RNF213: variants seen among roughly 807,000 people sequenced by gnomAD.
The protein encoded by RNF213 is ring finger protein 213.
In RNF213, 341 loss-of-function variants were observed where a neutral mutation model predicts 514.4. That is an observed-to-expected ratio of 0.66 (90% CI 0.61 to 0.73). The LOEUF is 0.73. Among genes scored for constraint, RNF213 ranks in the 30% least tolerant of loss-of-function variants. RNF213 has a pLI of 0.00. For missense variants in RNF213, 5,767 were observed against 6,615.6 expected (o/e 0.87, Z 4.45); for synonymous variants, 2,655 against 2,658.2 (o/e 1.00, Z 0.04).
chr17:80,387,488 C>G (rs966975164), intron 63 of RNF213, among the ~76,000 whole-genome samples: 1 of 152,234 alleles, frequency 6.6e-6, no homozygotes, highest in Non-Finnish European at 1.5e-5. Flanking sequence ...GGGTAACCTG[C>G]CAGCAGATGC....
Position 80,276,874 on chromosome 17 carries a change from A to T in RNF213, c.261+3470A>T, listed in dbSNP as rs371366637. On this transcript the variant is annotated intron_variant, in intron 3 of 67. Coordinates refer to ENST00000582970, the MANE Select transcript of RNF213 (RefSeq NM_001256071.3). ...GTGAACATCCTGGCCAACATGGTGA[A>T]ACCCCGTCTCTACTAAAAATACAAA... Among the ~76,000 whole-genome samples the T allele has an allele frequency of 1.3e-4, 20 of 151,970 alleles. 1 individual carries two copies. In the South Asian group the frequency reaches 4.2e-3, roughly 32 times the overall value.
Position 80,289,673 on chromosome 17 carries a change from GA to G in RNF213, c.949del (p.Thr317ProfsTer36), listed in dbSNP as rs1246323781. On this transcript the variant is annotated frameshift_variant, in exon 6 of 68. Coordinates refer to ENST00000582970, the MANE Select transcript of RNF213 (RefSeq NM_001256071.3). LOFTEE classifies it high-confidence loss of function. Reference sequence around the variant, plus strand: ...CCTTGTTCCAGGAAGCTGAGACCAAGACCAAGGACGAGATGGCTGCTGCTGA... The same window carrying G: ...CCTTGTTCCAGGAAGCTGAGACCAAGCCAAGGACGAGATGGCTGCTGCTGA... ...KTHCQEAETKTKDEMAAAEEK... is the reference protein window; with the variant it reads ...KTHCQEAETKXKDEMAAAEEK... The G allele has an allele frequency of 6.2e-7, 1 of 1,613,776 alleles. No homozygotes were observed. The highest frequency in any genetic ancestry group is 2.2e-5 in the East Asian group (1 of 44,886).
chr17:80,372,825 C>T, intron 48 of RNF213, 91 bp downstream of exon 48: 1 of 1,411,350 alleles, frequency 7.1e-7, no homozygotes, highest in Middle Eastern at 1.8e-4. Flanking sequence ...TTCGAATAGA[C>T]TACTACTGGG....
chr17:80,317,139 G>A lies in RNF213; in HGVS notation c.2812-49G>A, dbSNP rs757023791. 78 of 1,569,580 alleles carry A rather than the reference G, an allele frequency of 5.0e-5. No individual in the cohort carries two copies. The highest frequency in any genetic ancestry group is 1.1e-4 in the South Asian group (10 of 87,370). Reference sequence around the variant, plus strand: ...CTTTCTCCTTTCATGGGAGTGTGCCGTGGCATTTAGTCGTGAGAGTGGGTG... The same window carrying A: ...CTTTCTCCTTTCATGGGAGTGTGCCATGGCATTTAGTCGTGAGAGTGGGTG... On this transcript the variant is annotated intron_variant, in intron 15 of 67. Transcript: ENST00000582970. The surrounding 1 kb of genome is among the most constrained non-coding windows in gnomAD (Gnocchi z 4.1).
At chr17:80,366,130 G>A (rs79589259) in intron 42 of RNF213, among the ~76,000 whole-genome samples, 3,782 of 152,336 alleles carry the variant, frequency 0.025, 164 homozygotes, top group African/African-American at 0.086. Context: ...AAGAGGCTTG[G>A]GGGAAAGCCC....
chr17:80,359,524 C>CAAAAA (rs559552051), intron 37 of RNF213, among the ~76,000 whole-genome samples: 1 of 32,492 alleles, frequency 3.1e-5, no homozygotes, highest in African/African-American at 1.4e-4. Context: ...GACTCTATCT[C>CAAAAA]AAAAAAAAAA....
At position 80,346,515 on chromosome 17, in the gene RNF213, G is replaced by A. The variant is rs372704782; in HGVS notation, c.8180G>A (p.Arg2727Gln). The A allele has an allele frequency of 1.1e-4, 184 of 1,613,624 alleles. 2 individuals are homozygous for A. In the South Asian group the frequency reaches 1.7e-3, roughly 15 times the overall value. ...AGGCTGCTTCTGGATGAAATAACAC[G>A]GGCACAGGATCTTTTTCTGGACGGC... is the stretch of plus-strand genomic sequence containing the variant. ...DSRLLLDEIT[R>Q]AQDLFLDGVP... Residue 2727 changes from arginine (R) to glutamine (Q), a missense_variant, in exon 29 of 68, where the codon CGG becomes CAG. By Grantham distance (43) the Arg-to-Gln change is conservative. This residue lies in a region of RNF213 where 1,377 missense variants were observed against 1,635.2 expected (regional missense o/e 0.84). Transcript: ENST00000582970. This position sits in a 1 kb window ranked among gnomAD's most constrained non-coding sequence, Gnocchi z 8.1.
intron 49 of RNF213, among the ~76,000 whole-genome samples, chr17:80,374,181 T>G (rs559175214): frequency 6.6e-6 from 1 of 152,262 alleles, no homozygotes; most frequent in Admixed American, 6.5e-5. Context: ...CGGCCTCAGG[T>G]GTGGTGCGGT....
intron 3 of RNF213, among the ~76,000 whole-genome samples, chr17:80,274,969 GGT>G (rs143174393): frequency 1.8e-5 from 1 of 55,450 alleles, no homozygotes; most frequent in African/African-American, 1.0e-4. Context: ...TGTGTGTTGG[GGT>G]GTGTGTGTTG....
rs1384308633 is a variant in RNF213 at position 80,338,630 on chromosome 17, GT to G, written c.4834-560del. The stretch of plus-strand genomic sequence containing the variant: ...GAGACCCTGTCTCAAAAAGTATAAG[GT>G]TTTTTTTTTTCCCAATTAAAAAAAA... On this transcript the variant is annotated intron_variant, in intron 25 of 67. Coordinates refer to ENST00000582970, the MANE Select transcript of RNF213 (RefSeq NM_001256071.3). 1.8e-3 allele frequency among the ~76,000 whole-genome samples: 180 copies of G among 102,808 alleles called. 2 individuals carry two copies. The highest frequency in any genetic ancestry group is 6.4e-3 in the African/African-American group (149 of 23,248). 67.4% of individuals were successfully genotyped at this position (102,808 alleles called of 152,430 possible).
In RNF213 at chr17:80,381,417, C is replaced by T. The variant is rs534299580; in HGVS notation, c.13798-130C>T. ...AGCCTTCCTTTCACCTGGATCACTC[C>T]GCCGTTTTCATCTTAGAAACCGCCT... On this transcript the variant is annotated intron_variant, in intron 56 of 67. Coordinates refer to ENST00000582970, the MANE Select transcript of RNF213 (RefSeq NM_001256071.3). The T allele has an allele frequency of 7.1e-5, 67 of 947,030 alleles. 1 individual carries two copies. The highest frequency in any genetic ancestry group is 6.6e-4 in the African/African-American group (41 of 62,274). The allele number at this position is 947,030 out of a possible 1,614,324, so 58.7% of individuals were successfully genotyped here.
chr17:80,355,019 T>C (rs1568121037), intron 36 of RNF213: 1 of 356,622 alleles, frequency 2.8e-6, no homozygotes, highest in Non-Finnish European at 5.5e-6. Context: ...ACTGCCATGG[T>C]TATTTTTCTG....
rs1351005683 is a variant in RNF213 at position 80,337,997 on chromosome 17, G to A, written c.4833G>A (p.Glu1611=). 1 of 1,537,306 alleles carries A rather than the reference G, an allele frequency of 6.5e-7. No homozygotes were observed. Among genetic ancestry groups the A allele is most frequent in the South Asian group, 1.2e-5 (1 of 84,062 alleles). The change falls in exon 25 of 68, where the codon GAG becomes GAA. Residue 1611 remains glutamate, a splice_region_variant and synonymous_variant. Coordinates refer to ENST00000582970, the MANE Select transcript of RNF213 (RefSeq NM_001256071.3). ...RNNTEVERFS[E]VFCSVQRLSQ... The stretch of plus-strand genomic sequence containing the variant: ...ACACGGAAGTGGAGAGGTTTTCAGA[G>A]GTGAGGGCGCATCTTTGCAGTGGCG...
chr17:80,262,356 G>C (rs532413679), intron 1 of RNF213, among the ~76,000 whole-genome samples: 112 of 152,214 alleles, frequency 7.4e-4, no homozygotes, highest in Non-Finnish European at 1.4e-3. Context: ...TCATCAAAGA[G>C]AAGACTGCAG....
Position 80,348,378 on chromosome 17 carries a change from G to A in RNF213, c.9951+92G>A, listed in dbSNP as rs765449728. The A allele has an allele frequency of 5.8e-6, 9 of 1,554,346 alleles. 1 individual carries two copies. The highest frequency in any genetic ancestry group is 4.0e-5 in the African/African-American group (3 of 74,104). On this transcript the variant is annotated intron_variant, in intron 29 of 67. Coordinates refer to ENST00000582970, the MANE Select transcript of RNF213 (RefSeq NM_001256071.3). Reference sequence around the variant, plus strand: ...GATTCAAGATTCTTCCCCAGGCAGCGGTTAGGGATCCTGCAGGGAGATGCT... The same window carrying A: ...GATTCAAGATTCTTCCCCAGGCAGCAGTTAGGGATCCTGCAGGGAGATGCT...
chr17:80,335,070 C>T (rs975141968), intron 22 of RNF213, among the ~76,000 whole-genome samples: 2 of 151,328 alleles, frequency 1.3e-5, no homozygotes, highest in African/African-American at 2.4e-5. Context: ...TACAGGCGCC[C>T]GCCACCACAC....
At chr17:80,261,134 G>A (rs2043402293) in intron 1 of RNF213, among the ~76,000 whole-genome samples, 1 of 151,968 alleles carries the variant, frequency 6.6e-6, no homozygotes, top group African/African-American at 2.4e-5. Flanking sequence ...CGGGGTGGGG[G>A]CAGCGGGCAC....
rs754046368 is a variant in RNF213, at chr17:80,295,589, A to G, written c.1788A>G (p.Lys596=). The G allele has an allele frequency of 5.6e-6, 9 of 1,614,000 alleles. No homozygotes were observed. Among genetic ancestry groups the G allele is most frequent in the Non-Finnish European group, 6.8e-6 (8 of 1,180,020 alleles). ...GATACCTGTGGCAACATCTGAAAAA[A>G]CACGTGGTACCATTGCCGGACGGAA... The part of the protein sequence containing the change: ...VKRYLWQHLK[K]HVVPLPDGKS... Residue 596 remains lysine, a synonymous_variant, in exon 10 of 68, where the codon AAA becomes AAG. Coordinates refer to ENST00000582970, the MANE Select transcript of RNF213 (RefSeq NM_001256071.3).
intron 3 of RNF213, among the ~76,000 whole-genome samples, chr17:80,276,127 G>C (rs1387794738): frequency 1.1e-4 from 16 of 151,066 alleles, no homozygotes; most frequent in African/African-American, 3.9e-4. Flanking sequence ...TTGAGATGGA[G>C]TTTCGCTCCT....
Sources: allele counts gnomAD v4.1 joint callset (sites outside exome capture counted in the v4.1 genomes callset), GRCh38; gene constraint gnomAD v4.1.1; regional missense constraint gnomAD v4.1.1; non-coding constraint Gnocchi (gnomAD v3.1); transcripts MANE v1.5; gene names NCBI Gene and HGNC (gene_info 2026-07-23, HGNC 2026-07-21).